RAPGEF1: variants seen among roughly 807,000 people sequenced by gnomAD.
RAPGEF1 encodes the protein Rap guanine nucleotide exchange factor 1, also known as CRK SH3-binding GNRP.
Under a neutral mutation model 143.3 loss-of-function variants are expected in RAPGEF1, and 33 were observed. That is an observed-to-expected ratio of 0.23 (90% CI 0.17 to 0.31). The LOEUF (loss-of-function observed/expected upper bound fraction) is 0.31, where lower values mean the gene tolerates loss of function less well. Ranked by LOEUF, RAPGEF1 falls within the 10% of genes least tolerant of loss-of-function variation. The pLI, the probability that RAPGEF1 is intolerant of heterozygous loss-of-function variation, is 1.00. For missense variants in RAPGEF1, 1,199 were observed against 1,645.4 expected (o/e 0.73, Z 4.69); for synonymous variants, 629 against 676.5 (o/e 0.93, Z 1.09).
intron 22 of RAPGEF1, among the ~76,000 whole-genome samples, chr9:131,586,401 AAC>A (rs58177991): frequency 6.4e-4 from 8 of 12,404 alleles, no homozygotes; most frequent in Non-Finnish European, 7.0e-4. Context: ...CTCCGTCTCA[AAC>A]ACACACACAC....
chr9:131,730,797 CAGG>C (rs1837019843), intron 1 of RAPGEF1, among the ~76,000 whole-genome samples: 1 of 151,700 alleles, frequency 6.6e-6, no homozygotes, highest in Admixed American at 6.6e-5. Context: ...ACCTGAGGCT[CAGG>C]AGATTAAGCA....
At chr9:131,713,363 G>A (rs1835644269) in intron 1 of RAPGEF1, among the ~76,000 whole-genome samples, 1 of 152,154 alleles carries the variant, frequency 6.6e-6, no homozygotes, top group African/African-American at 2.4e-5. Flanking sequence ...ATTCCTCAGA[G>A]AGGGGCAGGG....
rs142971404 is a variant in RAPGEF1, at chr9:131,667,562, A to C, written c.62-16613T>G. 6.6e-6 allele frequency among the ~76,000 whole-genome samples: 1 copy of C among 152,354 alleles called. No homozygotes were observed. The highest frequency in any genetic ancestry group is 1.9e-4 in the East Asian group (1 of 5,188). ...GGCAGTCTTCTATTGTTTCAAGAGAAGAAATCTCTACCATCACAGCTTCCC... is the reference window on the plus strand; with the variant it reads ...GGCAGTCTTCTATTGTTTCAAGAGACGAAATCTCTACCATCACAGCTTCCC... On this transcript the variant is annotated intron_variant, in intron 1 of 26. Transcript: ENST00000683357. This position sits in a 1 kb window ranked among gnomAD's most constrained non-coding sequence, Gnocchi z 4.6.
At chr9:131,615,576 G>A (rs1310199026) in intron 12 of RAPGEF1, among the ~76,000 whole-genome samples, 3 of 152,202 alleles carry the variant, frequency 2.0e-5, no homozygotes, top group East Asian at 1.9e-4. Context: ...CAGAGCCTGC[G>A]GATGGGGAGG....
intron 3 of RAPGEF1, among the ~76,000 whole-genome samples, chr9:131,643,761 G>A (rs555030066): frequency 7.2e-5 from 11 of 152,180 alleles, no homozygotes; most frequent in Non-Finnish European, 1.5e-4. Context: ...CTAATTTGCT[G>A]ATGACTTGGA....
At chr9:131,616,673 C>T (rs1162521592) in intron 12 of RAPGEF1, among the ~76,000 whole-genome samples, 13 of 152,214 alleles carry the variant, frequency 8.5e-5, no homozygotes, top group African/African-American at 2.4e-5. Context: ...TTGTCAACTG[C>T]TGTGTTTCCA....
At chr9:131,706,935 C>T (rs1479285290) in intron 1 of RAPGEF1, among the ~76,000 whole-genome samples, 3 of 152,182 alleles carry the variant, frequency 2.0e-5, no homozygotes, top group Admixed American at 2.0e-4. Context: ...CCACTCTTCT[C>T]ATTTAAATTA....
chr9:131,639,958 T>C (rs150392654), intron 4 of RAPGEF1, among the ~76,000 whole-genome samples: 241 of 152,358 alleles, frequency 1.6e-3, no homozygotes, highest in African/African-American at 5.2e-3. Flanking sequence ...CCACTCTGCA[T>C]GTTCCAACAG....
At chr9:131,654,924 C>T (rs764941363) in intron 1 of RAPGEF1, among the ~76,000 whole-genome samples, 3 of 152,298 alleles carry the variant, frequency 2.0e-5, no homozygotes, top group South Asian at 4.2e-4. Flanking sequence ...CACTGTCCTA[C>T]GCAATGGAAA....
chr9:131,699,161 C>T (rs1170582198), intron 1 of RAPGEF1, among the ~76,000 whole-genome samples: 1 of 152,128 alleles, frequency 6.6e-6, no homozygotes, highest in Non-Finnish European at 1.5e-5. Flanking sequence ...AGCAAAACTC[C>T]AAGAACGCCC....
chr9:131,594,607 T>A (rs1954923278), intron 17 of RAPGEF1, among the ~76,000 whole-genome samples: 1 of 152,196 alleles, frequency 6.6e-6, no homozygotes, highest in Non-Finnish European at 1.5e-5. Context: ...GCTTGCTTTG[T>A]TACCTGCCAC....
At chr9:131,720,838 T>C (rs1478068364) in intron 1 of RAPGEF1, among the ~76,000 whole-genome samples, 1 of 152,218 alleles carries the variant, frequency 6.6e-6, no homozygotes, top group Non-Finnish European at 1.5e-5. Flanking sequence ...AGTGTCCCTA[T>C]ATAATTATTT....
intron 5 of RAPGEF1, among the ~76,000 whole-genome samples, chr9:131,632,440 T>C (rs1243293897): frequency 6.6e-6 from 1 of 151,936 alleles, no homozygotes; most frequent in Non-Finnish European, 1.5e-5. Flanking sequence ...ACTCTGTCTC[T>C]TAAAAAAAGA....
In RAPGEF1 at chr9:131,596,282, C is replaced by T. The variant is rs1955276431; in HGVS notation, c.2689+16G>A. On this transcript the variant is annotated intron_variant, in intron 17 of 26. Coordinates refer to ENST00000683357, the MANE Select transcript of RAPGEF1 (RefSeq NM_001377935.1). Reference sequence around the variant, plus strand: ...GCAGGACCAGCCCCAATCTAGTGAGCTCACTGACACCCTACCTTTCCTGTC... The same window carrying T: ...GCAGGACCAGCCCCAATCTAGTGAGTTCACTGACACCCTACCTTTCCTGTC... The T allele has an allele frequency of 6.2e-7, 1 of 1,613,404 alleles. No individual in the cohort carries two copies. Among genetic ancestry groups the T allele is most frequent in the African/African-American group, 1.3e-5 (1 of 75,030 alleles).
At chr9:131,710,166 T>G (rs1176146759) in intron 1 of RAPGEF1, among the ~76,000 whole-genome samples, 2 of 152,172 alleles carry the variant, frequency 1.3e-5, no homozygotes, top group African/African-American at 2.4e-5. Context: ...ATGCCACGCC[T>G]TCTATTTCAG....
At position 131,638,719 on chromosome 9, in the gene RAPGEF1, C is replaced by T. The variant is rs1409875050; in HGVS notation, c.567G>A (p.Val189=). The change falls in exon 5 of 27, where the codon GTG becomes GTA. Residue 189 remains valine, a synonymous_variant. Transcript: ENST00000683357. Reference sequence around the variant, plus strand: ...CTTCTGAGTTCACGCCTTCCAGCATCACTTGGTCAGACCAGCGAATGAGGT... The same window carrying T: ...CTTCTGAGTTCACGCCTTCCAGCATTACTTGGTCAGACCAGCGAATGAGGT... ...LANLIRWSDQ[V]MLEGVNSEDK... 7 of 1,614,038 alleles carry T rather than the reference C, an allele frequency of 4.3e-6. No homozygotes were observed. Among genetic ancestry groups the T allele is most frequent in the Non-Finnish European group, 5.9e-6 (7 of 1,179,892 alleles).
In RAPGEF1 at chr9:131,630,957, T is replaced by A. The variant is rs188281699; in HGVS notation, c.652-633A>T. On this transcript the variant is annotated intron_variant, in intron 5 of 26. Transcript: ENST00000683357. ...ATAAGTGCCCATGTGTTTTTTTTTT[T>A]AAATTAGAATGCATTTTTTCCCAGT... is the stretch of plus-strand genomic sequence containing the variant. 3.4e-3 allele frequency among the ~76,000 whole-genome samples: 508 copies of A among 151,452 alleles called. 1 individual carries two copies. The highest frequency in any genetic ancestry group is 0.014 in the Middle Eastern group (4 of 294).
intron 1 of RAPGEF1, among the ~76,000 whole-genome samples, chr9:131,658,994 A>G (rs776074638): frequency 6.6e-6 from 1 of 152,206 alleles, no homozygotes; most frequent in Admixed American, 6.5e-5. Context: ...ACGGGATCAC[A>G]AAGTCAAGGG....
chr9:131,640,525 T>C (rs1967613600), intron 4 of RAPGEF1, among the ~76,000 whole-genome samples: 1 of 152,180 alleles, frequency 6.6e-6, no homozygotes, highest in African/African-American at 2.4e-5. Context: ...TTGAGGACTA[T>C]AAAAAATGCC....
Sources: gnomAD v4.1 joint callset for allele counts (sites outside exome capture counted in the v4.1 genomes callset) on GRCh38, gnomAD v4.1.1 for gene constraint, Gnocchi (gnomAD v3.1) non-coding constraint, MANE v1.5 for transcripts, NCBI Gene and HGNC (gene_info 2026-07-23, HGNC 2026-07-21) for gene names.